EFCAB11: variants seen among roughly 807,000 people sequenced by gnomAD.
EFCAB11 encodes EF-hand calcium binding domain 11.
EFCAB11 carries 14 observed loss-of-function variants against 23.0 expected under a neutral mutation model. The ratio of observed to expected loss-of-function variants is 0.61; its 90% CI spans 0.40 to 0.95. The LOEUF is 0.95. Among genes scored for constraint, EFCAB11 ranks in the 40% least tolerant of loss-of-function variants. The pLI, the probability that EFCAB11 is intolerant of heterozygous loss-of-function variation, is 0.00. For synonymous variants in EFCAB11, 65 were observed against 66.6 expected (o/e 0.98, Z 0.11); for missense variants, 198 against 195.8 (o/e 1.01, Z -0.07).
In EFCAB11 at chr14:89,794,752, A is replaced by G. The variant is rs1885518534; in HGVS notation, c.*2491T>C. 1 of 152,208 alleles carries G rather than the reference A, an allele frequency of 6.6e-6. No homozygotes were observed. Among genetic ancestry groups the G allele is most frequent in the Non-Finnish European group, 1.5e-5 (1 of 68,042 alleles). 9.4% of individuals were successfully genotyped at this position (152,208 alleles called of 1,614,324 possible). Reference sequence around the variant, plus strand: ...ATAAAGTTTAGTTTAACAGGTTTTGAATAAGACTTTATTTTTTAAATGAAT... The same window carrying G: ...ATAAAGTTTAGTTTAACAGGTTTTGGATAAGACTTTATTTTTTAAATGAAT... On this transcript the variant is annotated 3_prime_UTR_variant, in exon 6 of 6. Coordinates refer to ENST00000316738, the MANE Select transcript of EFCAB11 (RefSeq NM_145231.4).
At chr14:89,946,578 TTAAG>T (rs1476636816) in intron 3 of EFCAB11, among the ~76,000 whole-genome samples, 1 of 152,132 alleles carries the variant, frequency 6.6e-6, no homozygotes, top group Non-Finnish European at 1.5e-5. Flanking sequence ...GTTGAATTAA[TTAAG>T]TTTTTTAAGA....
intron 5 of EFCAB11, among the ~76,000 whole-genome samples, chr14:89,880,905 A>T (rs1424062863): frequency 6.6e-6 from 1 of 152,170 alleles, no homozygotes; most frequent in Non-Finnish European, 1.5e-5. Context: ...CTACATGCAC[A>T]TGGAAAGTTA....
rs549535740 is a variant in EFCAB11 at position 89,938,989 on chromosome 14, C to A, written c.218-6362G>T. Among the ~76,000 whole-genome samples the A allele has an allele frequency of 4.6e-4, 63 of 137,644 alleles. No individual in the cohort carries two copies. The South Asian group carries it at 5.7e-3, about 12-fold the overall frequency. 90.3% of individuals were successfully genotyped at this position (137,644 alleles called of 152,430 possible). ...AACAAAGCAAAAAAAAAAAAAAAAA[C>A]CAGTTACAGTAGAATAGAGAAATCT... On this transcript the variant is annotated intron_variant, in intron 3 of 5. Transcript: ENST00000316738.
At chr14:89,896,104 G>A (rs184548509) in intron 5 of EFCAB11, among the ~76,000 whole-genome samples, 59 of 152,312 alleles carry the variant, frequency 3.9e-4, no homozygotes, top group South Asian at 1.4e-3. Flanking sequence ...GAAGTCTGGC[G>A]GCCGGGCGCG....
At chr14:89,879,890 T>C (rs1461868321) in intron 5 of EFCAB11, among the ~76,000 whole-genome samples, 1 of 152,206 alleles carries the variant, frequency 6.6e-6, no homozygotes, top group Admixed American at 6.5e-5. Flanking sequence ...AACACAGGGA[T>C]GTTACAGAAA....
intron 2 of EFCAB11, among the ~76,000 whole-genome samples, chr14:89,951,163 G>A (rs1253272888): frequency 2.0e-5 from 3 of 152,132 alleles, no homozygotes; most frequent in Non-Finnish European, 4.4e-5. Flanking sequence ...GAATGCACCT[G>A]GAATGCTCAT....
chr14:89,953,755 TAA>T (rs1891290660), intron 2 of EFCAB11, 149 bp downstream of exon 2: 2 of 587,782 alleles, frequency 3.4e-6, no homozygotes, highest in South Asian at 2.3e-5. Context: ...GCTGAGGTGT[TAA>T]GAGGAAGCTA....
intron 5 of EFCAB11, among the ~76,000 whole-genome samples, chr14:89,927,940 C>G (rs913868235): frequency 1.3e-4 from 20 of 152,170 alleles, no homozygotes; most frequent in African/African-American, 4.8e-4. Flanking sequence ...CCAGGCTGGT[C>G]TGGAACTCCT....
intron 5 of EFCAB11, among the ~76,000 whole-genome samples, chr14:89,858,243 G>T (rs1887815556): frequency 6.6e-6 from 1 of 152,198 alleles, no homozygotes; most frequent in South Asian, 2.1e-4. Flanking sequence ...CTGCAGACAG[G>T]CACTAACTTG....
At chr14:89,951,203 G>A (rs1891152376) in intron 2 of EFCAB11, among the ~76,000 whole-genome samples, 1 of 152,024 alleles carries the variant, frequency 6.6e-6, no homozygotes, top group African/African-American at 2.4e-5. Context: ...TGTTCCAATC[G>A]AAACTCACTG....
intron 5 of EFCAB11, among the ~76,000 whole-genome samples, chr14:89,925,222 A>G (rs1371466881): frequency 2.0e-5 from 3 of 152,234 alleles, no homozygotes; most frequent in Non-Finnish European, 4.4e-5. Context: ...GTACCACGCC[A>G]AGGGAAACAC....
intron 5 of EFCAB11, among the ~76,000 whole-genome samples, chr14:89,856,433 G>T (rs1001821282): frequency 6.6e-6 from 1 of 151,876 alleles, no homozygotes; most frequent in Admixed American, 6.6e-5. Context: ...CAAGCAATCC[G>T]CCCACCTTGG....
At chr14:89,929,210 T>A (rs185355811) in intron 5 of EFCAB11, among the ~76,000 whole-genome samples, 1 of 151,890 alleles carries the variant, frequency 6.6e-6, no homozygotes, top group Non-Finnish European at 1.5e-5. Context: ...TATGCCACCA[T>A]ACCTGGCTAA....
intron 5 of EFCAB11, among the ~76,000 whole-genome samples, chr14:89,926,741 T>C (rs940817920): frequency 5.5e-4 from 84 of 152,168 alleles, no homozygotes; most frequent in African/African-American, 2.0e-3. Context: ...TTCAATCCAT[T>C]ACATATTTTT....
At chr14:89,813,685 G>A (rs1481583142) in intron 5 of EFCAB11, among the ~76,000 whole-genome samples, 2 of 134,536 alleles carry the variant, frequency 1.5e-5, no homozygotes, top group African/African-American at 5.6e-5. Context: ...ATGCCTATGT[G>A]CTCAGCACAC....
intron 5 of EFCAB11, among the ~76,000 whole-genome samples, chr14:89,835,585 C>CAT (rs1166785662): frequency 2.6e-4 from 24 of 93,344 alleles, no homozygotes; most frequent in Admixed American, 1.3e-3. Context: ...GGATGCTCAA[C>CAT]GTGTGTGTGT....
rs564175225 is a variant in EFCAB11, at chr14:89,857,655, G to C, written c.411-60331C>G. Reference sequence around the variant, plus strand: ...TCTGGCACTTGCTCCTCTAATCCTAGGTGAATGCTGTGGAATTGGCCCTCA... The same window carrying C: ...TCTGGCACTTGCTCCTCTAATCCTACGTGAATGCTGTGGAATTGGCCCTCA... On this transcript the variant is annotated intron_variant, in intron 5 of 5. Transcript: ENST00000316738. 4.6e-5 allele frequency among the ~76,000 whole-genome samples: 7 copies of C among 152,206 alleles called. No homozygotes were observed. In the South Asian group the frequency reaches 1.5e-3, roughly 32 times the overall value.
At chr14:89,929,630 C>T (rs193257964) in intron 5 of EFCAB11, among the ~76,000 whole-genome samples, 19 of 152,296 alleles carry the variant, frequency 1.2e-4, no homozygotes, top group African/African-American at 4.3e-4. Context: ...AGGTGATCCA[C>T]CTGCCTCGGC....
chr14:89,867,027 A>C (rs1485234050), intron 5 of EFCAB11, among the ~76,000 whole-genome samples: 3 of 152,180 alleles, frequency 2.0e-5, no homozygotes, highest in Non-Finnish European at 4.4e-5. Context: ...TTGGTCTCCC[A>C]AAGTGCTGGG....
Sources: gnomAD v4.1 joint callset for allele counts (sites outside exome capture counted in the v4.1 genomes callset) on GRCh38, gnomAD v4.1.1 for gene constraint, MANE v1.5 for transcripts, NCBI Gene and HGNC (gene_info 2026-07-23, HGNC 2026-07-21) for gene names.